AKAP19: variants seen among roughly 807,000 people sequenced by gnomAD.
AKAP19 encodes the protein small A-kinase anchoring protein.
At chr2:189,917,207 G>A in the AKAP19 span, 1 of 851,818 alleles carries the variant, frequency 1.2e-6, no homozygotes, top group Admixed American at 2.8e-5. Flanking sequence ...ACAAAATGCA[G>A]TGATCAAAAT....
At chr2:189,982,544 T>C in the AKAP19 span, among the ~76,000 whole-genome samples, 8 of 152,216 alleles carry the variant, frequency 5.3e-5, no homozygotes, top group South Asian at 2.1e-4. Flanking sequence ...TGTGATCCTT[T>C]GGAGGTGTCA....
the AKAP19 span, among the ~76,000 whole-genome samples, chr2:189,936,642 T>A: frequency 7.0e-6 from 1 of 142,236 alleles, no homozygotes; most frequent in African/African-American, 3.1e-5. Flanking sequence ...TGTCCACAAA[T>A]TTTTTTATTG....
chr2:190,157,365 T>TACACACACACACACAC, the AKAP19 span, among the ~76,000 whole-genome samples: 4,467 of 116,972 alleles, frequency 0.038, 150 homozygotes, highest in African/African-American at 0.075. Context: ...CCTAAACTTG[T>TACACACACACACACAC]ATACACACAC....
the AKAP19 span, among the ~76,000 whole-genome samples, chr2:189,922,644 C>A: frequency 6.6e-6 from 1 of 152,210 alleles, no homozygotes; most frequent in African/African-American, 2.4e-5. Flanking sequence ...TGAGGTTGAA[C>A]AAGTCAACAT....
chr2:190,009,461 G>A, the AKAP19 span, among the ~76,000 whole-genome samples: 5 of 152,178 alleles, frequency 3.3e-5, no homozygotes, highest in Non-Finnish European at 7.4e-5. Flanking sequence ...GTGAGAGTAG[G>A]AGAGGACTCA....
chr2:190,106,226 T>C, the AKAP19 span, among the ~76,000 whole-genome samples: 1 of 152,372 alleles, frequency 6.6e-6, no homozygotes, highest in Non-Finnish European at 1.5e-5. Context: ...CTCATATGCC[T>C]CTATGATATC....
chr2:189,912,463 C>A, the AKAP19 span, among the ~76,000 whole-genome samples: 4,404 of 152,160 alleles, frequency 0.029, 218 homozygotes, highest in African/African-American at 0.1. Context: ...ATTGCTTGAA[C>A]CTGAGAGGCA....
chr2:190,035,707 C>T, the AKAP19 span, among the ~76,000 whole-genome samples: 1 of 152,022 alleles, frequency 6.6e-6, no homozygotes, highest in African/African-American at 2.4e-5. Context: ...GATTCTTCCA[C>T]GTAAAGCTTT....
chr2:189,952,737 CTTT>C, the AKAP19 span, among the ~76,000 whole-genome samples: 2 of 152,152 alleles, frequency 1.3e-5, no homozygotes, highest in Non-Finnish European at 2.9e-5. Flanking sequence ...GTGACGTATC[CTTT>C]TAAGAACTTC....
the AKAP19 span, chr2:189,931,021 C>G: frequency 1.5e-6 from 1 of 655,872 alleles, no homozygotes; most frequent in South Asian, 2.1e-5. Context: ...CTTCTGGGGC[C>G]AAGGGGTGGG....
chr2:189,919,012 G>C, the AKAP19 span, among the ~76,000 whole-genome samples: 1 of 152,282 alleles, frequency 6.6e-6, no homozygotes, highest in Middle Eastern at 3.4e-3. Context: ...ATATTAAATA[G>C]AAAATTCTGG....
chr2:189,909,847 G>T, the AKAP19 span, among the ~76,000 whole-genome samples: 420 of 151,926 alleles, frequency 2.8e-3, 5 homozygotes, highest in African/African-American at 9.6e-3. Context: ...ATGGTCATTT[G>T]TATGTTTCTT....
At chr2:190,057,249 A>G in the AKAP19 span, 58 of 1,612,916 alleles carry the variant, frequency 3.6e-5, no homozygotes, top group Admixed American at 6.7e-5. Context: ...TGAACGCTTA[A>G]TATAAATCTC....
chr2:190,087,897 A>G, the AKAP19 span, among the ~76,000 whole-genome samples: 1 of 152,170 alleles, frequency 6.6e-6, no homozygotes, highest in South Asian at 2.1e-4. Context: ...GGCTCCTACC[A>G]TAATCTTTTG....
the AKAP19 span, among the ~76,000 whole-genome samples, chr2:190,042,100 T>C: frequency 6.6e-6 from 1 of 152,162 alleles, no homozygotes; most frequent in Non-Finnish European, 1.5e-5. Context: ...TGGTACCAGC[T>C]CTTCTTTGTA....
the AKAP19 span, among the ~76,000 whole-genome samples, chr2:190,159,771 T>C: frequency 6.6e-6 from 1 of 152,200 alleles, no homozygotes; most frequent in Non-Finnish European, 1.5e-5. Flanking sequence ...TTGGCATACA[T>C]GGAAGCCAAT....
chr2:190,100,578 G>T, the AKAP19 span, among the ~76,000 whole-genome samples: 1 of 152,098 alleles, frequency 6.6e-6, no homozygotes, highest in Non-Finnish European at 1.5e-5. Context: ...GGAAGCCAAG[G>T]CTTAAAAAAG....
chr2:189,966,298 T>C, the AKAP19 span, among the ~76,000 whole-genome samples: 3 of 152,026 alleles, frequency 2.0e-5, no homozygotes, highest in African/African-American at 7.2e-5. Flanking sequence ...AACCTACCCA[T>C]GTAAACAAAT....
chr2:189,898,165 C>T, the AKAP19 span, among the ~76,000 whole-genome samples: 1 of 150,860 alleles, frequency 6.6e-6, no homozygotes, highest in Non-Finnish European at 1.5e-5. Flanking sequence ...TCATGCCAGC[C>T]TAGGCTACAG....
Sources: allele counts gnomAD v4.1 joint callset (sites outside exome capture counted in the v4.1 genomes callset), GRCh38; gene constraint gnomAD v4.1.1; transcripts MANE v1.5; gene names NCBI Gene and HGNC (gene_info 2026-07-23, HGNC 2026-07-21).